CLVS2: variants seen among roughly 807,000 people sequenced by gnomAD.
The protein encoded by CLVS2 is clavesin 2.
CLVS2 carries 19 observed loss-of-function variants against 29.0 expected under a neutral mutation model. The ratio of observed to expected loss-of-function variants is 0.66; its 90% CI spans 0.46 to 0.96. The LOEUF (loss-of-function observed/expected upper bound fraction) is 0.96, where lower values mean the gene tolerates loss of function less well. CLVS2 is among the 40% of genes least tolerant of loss of function. CLVS2 has a pLI of 0.00. For synonymous variants in CLVS2, 161 were observed against 151.3 expected, an observed-to-expected ratio of 1.06 and a Z score of -0.47; for missense variants, 294 against 404.1, an observed-to-expected ratio of 0.73 and a Z score of 2.34.
chr6:123,020,609 C>T (rs1297537142), intron 3 of CLVS2, among the ~76,000 whole-genome samples: 1 of 152,060 alleles, frequency 6.6e-6, no homozygotes, highest in Non-Finnish European at 1.5e-5. Context: ...CACTGTTAAG[C>T]TTCAGCATGT....
In CLVS2 at chr6:122,997,730, G is replaced by A; in HGVS notation, c.-48G>A. 2.5e-6 allele frequency: 4 copies of A among 1,585,648 alleles called. No individual in the cohort carries two copies. Among genetic ancestry groups the A allele is most frequent in the Non-Finnish European group, 3.4e-6 (4 of 1,165,582 alleles). ...GTGGCAAGGACCAGGTTTGCTTTGGGACAGTCAACAAGGTCTTCTGAGGGA... is the reference window on the plus strand; with the variant it reads ...GTGGCAAGGACCAGGTTTGCTTTGGAACAGTCAACAAGGTCTTCTGAGGGA... On this transcript the variant is annotated 5_prime_UTR_variant, in exon 2 of 6. Transcript: ENST00000275162.
chr6:123,056,500 C>T (rs2114364079), intron 5 of CLVS2, among the ~76,000 whole-genome samples: 1 of 152,124 alleles, frequency 6.6e-6, no homozygotes, highest in Middle Eastern at 3.4e-3. Context: ...CATTGTATTC[C>T]ATAACTATAT....
Position 123,072,399 on chromosome 6 carries a change from G to C in CLVS2, c.*8638G>C, listed in dbSNP as rs1408444948. 6.6e-6 allele frequency: 1 copy of C among 152,054 alleles called. No homozygotes were observed. The highest frequency in any genetic ancestry group is 1.5e-5 in the Non-Finnish European group (1 of 67,970). The allele number at this position is 152,054 out of a possible 1,614,324, so 9.4% of individuals were successfully genotyped here. ...ATGTAGGACATTGTTAACCAATATAGATTATGTTTCTTGTCAGTTACACAA... is the reference window on the plus strand; with the variant it reads ...ATGTAGGACATTGTTAACCAATATACATTATGTTTCTTGTCAGTTACACAA... On this transcript the variant is annotated 3_prime_UTR_variant, in exon 6 of 6. Coordinates refer to ENST00000275162, the MANE Select transcript of CLVS2 (RefSeq NM_001010852.4).
intron 3 of CLVS2, among the ~76,000 whole-genome samples, chr6:123,023,989 C>G (rs1774961738): frequency 6.6e-6 from 1 of 152,040 alleles, no homozygotes; most frequent in African/African-American, 2.4e-5. Context: ...TTGTCCTATG[C>G]TCAAGAAGAG....
At chr6:123,024,607 C>T (rs1774973523) in intron 3 of CLVS2, among the ~76,000 whole-genome samples, 1 of 152,018 alleles carries the variant, frequency 6.6e-6, no homozygotes, top group Admixed American at 6.6e-5. Flanking sequence ...AGAGGCCATA[C>T]CCTGGAGGGT....
rs887219378 is a variant in CLVS2 at position 123,067,431 on chromosome 6, G to A, written c.*3670G>A. ...AAGTTACATTAAGAAAGCTTGCTGA[G>A]AGGCTGTACACTCTTCTGTTGTTTT... On this transcript the variant is annotated 3_prime_UTR_variant, in exon 6 of 6. Transcript: ENST00000275162. 6.6e-6 allele frequency: 1 copy of A among 151,684 alleles called. No homozygotes were observed. The highest frequency in any genetic ancestry group is 1.5e-5 in the Non-Finnish European group (1 of 67,738). 9.4% of individuals were successfully genotyped at this position (151,684 alleles called of 1,614,324 possible). A position where few individuals can be genotyped will look rare whatever the true frequency, so the allele number is the denominator to read the frequency against.
chr6:123,059,483 G>A (rs1156895936), intron 5 of CLVS2, among the ~76,000 whole-genome samples: 1 of 152,196 alleles, frequency 6.6e-6, no homozygotes, highest in Non-Finnish European at 1.5e-5. Context: ...TGAATGCATG[G>A]AGGAGTGCTC....
chr6:123,026,136 T>A (rs1774998261), intron 3 of CLVS2, among the ~76,000 whole-genome samples: 1 of 152,048 alleles, frequency 6.6e-6, no homozygotes, highest in African/African-American at 2.4e-5. Context: ...ATATGAACAA[T>A]GATTATGCAT....
At chr6:123,046,389 G>A (rs1327816522) in intron 3 of CLVS2, among the ~76,000 whole-genome samples, 1 of 152,168 alleles carries the variant, frequency 6.6e-6, no homozygotes, top group Non-Finnish European at 1.5e-5. Flanking sequence ...GCCAGGTGCA[G>A]TAGCTCACGC....
intron 3 of CLVS2, among the ~76,000 whole-genome samples, chr6:123,022,593 A>G (rs1417762435): frequency 6.6e-6 from 1 of 152,098 alleles, no homozygotes; most frequent in Non-Finnish European, 1.5e-5. Flanking sequence ...GGATCCCCAG[A>G]GAGGTCTTTT....
In CLVS2 at chr6:122,996,654, GC is replaced by G. The variant is rs1305898166; in HGVS notation, c.-650del. ...TTCCATCCCGCCCAGAGGAGTTGAT[GC>G]CGCTGTCGCCGCCGCCGCCGCTGCT... On this transcript the variant is annotated 5_prime_UTR_variant, in exon 1 of 6. An upstream open reading frame in the 5' UTR gains an earlier in-frame stop. Transcript: ENST00000275162. 6.2e-6 allele frequency: 1 copy of G among 162,150 alleles called. No homozygotes were observed. The highest frequency in any genetic ancestry group is 2.4e-5 in the African/African-American group (1 of 41,436). The allele number at this position is 162,150 out of a possible 1,614,324, so 10.0% of individuals were successfully genotyped here. A position where few individuals can be genotyped will look rare whatever the true frequency, so the allele number is the denominator to read the frequency against.
At chr6:123,017,389 C>T (rs776836099) in intron 3 of CLVS2, among the ~76,000 whole-genome samples, 3 of 151,984 alleles carry the variant, frequency 2.0e-5, no homozygotes, top group Admixed American at 1.3e-4. Flanking sequence ...CACACAGACT[C>T]GTGAACTGTA....
rs1015613032 is a variant in CLVS2 at position 123,031,631 on chromosome 6, T to C, written c.565-16991T>C. Among the ~76,000 whole-genome samples, 8 of 152,180 alleles carry C rather than the reference T, an allele frequency of 5.3e-5. No homozygotes were observed. In the East Asian group the frequency reaches 1.5e-3, roughly 29 times the overall value. On this transcript the variant is annotated intron_variant, in intron 3 of 5. Transcript: ENST00000275162. ...TACCAAAACCCTAAGTTGTACATCT[T>C]AAATAGATACAATTTGTATTTATCA...
intron 5 of CLVS2, among the ~76,000 whole-genome samples, chr6:123,060,461 C>T (rs930572855): frequency 1.2e-4 from 19 of 152,102 alleles, no homozygotes; most frequent in African/African-American, 4.1e-4. Context: ...TAAGGTTAAG[C>T]ATTTATTATT....
chr6:122,998,216 A>C lies in CLVS2; in HGVS notation c.389+50A>C, dbSNP rs765233910. On this transcript the variant is annotated intron_variant, in intron 2 of 5. Transcript: ENST00000275162. ...TTCTCCTTTTACTCTCCCATTTTCC[A>C]GAATTTACCCCGAGTAGTGTCATGG... 6 of 1,555,374 alleles carry C rather than the reference A, an allele frequency of 3.9e-6. No individual in the cohort carries two copies. The South Asian group carries it at 7.0e-5, about 18-fold the overall frequency.
chr6:123,028,488 T>A (rs1245158354), intron 3 of CLVS2, among the ~76,000 whole-genome samples: 1 of 152,170 alleles, frequency 6.6e-6, no homozygotes, highest in Non-Finnish European at 1.5e-5. Flanking sequence ...AGTGAGAACT[T>A]GTCTCTAAAA....
intron 5 of CLVS2, among the ~76,000 whole-genome samples, chr6:123,058,888 C>A (rs976714219): frequency 2.6e-5 from 4 of 152,108 alleles, no homozygotes; most frequent in African/African-American, 9.7e-5. Flanking sequence ...AAACTCCTGG[C>A]CTCAAGTGAT....
At chr6:123,009,131 C>T (rs1254478489) in intron 2 of CLVS2, among the ~76,000 whole-genome samples, 1 of 151,986 alleles carries the variant, frequency 6.6e-6, no homozygotes, top group East Asian at 1.9e-4. Context: ...TGCAAAATTG[C>T]ACAAATGTTT....
At chr6:123,004,481 C>T (rs1774635044) in intron 2 of CLVS2, among the ~76,000 whole-genome samples, 1 of 152,162 alleles carries the variant, frequency 6.6e-6, no homozygotes, top group Non-Finnish European at 1.5e-5. Flanking sequence ...GTAGATTTAG[C>T]CATTTCTTAT....
Sources: allele counts gnomAD v4.1 joint callset (sites outside exome capture counted in the v4.1 genomes callset), GRCh38; gene constraint gnomAD v4.1.1; transcripts MANE v1.5; gene names NCBI Gene and HGNC (gene_info 2026-07-23, HGNC 2026-07-21).